The following NUP188 variants were observed in gnomAD, a reference collection of about 807,000 sequenced individuals.
NUP188 encodes nucleoporin NUP188.
Under a neutral mutation model 223.0 loss-of-function variants are expected in NUP188, and 97 were observed. That is an observed-to-expected ratio of 0.43 (90% CI 0.37 to 0.51). The LOEUF is 0.51. Ranked by LOEUF, NUP188 falls within the 20% of genes least tolerant of loss-of-function variation. The pLI is 0.00. For synonymous variants in NUP188, 869 were observed against 828.0 expected (o/e 1.05, Z -0.85); for missense variants, 1,947 against 2,175.6 (o/e 0.89, Z 2.09).
intron 3 of NUP188, among the ~76,000 whole-genome samples, chr9:128,955,764 A>AT (rs1281178534): frequency 6.6e-6 from 1 of 151,814 alleles, no homozygotes; most frequent in Non-Finnish European, 1.5e-5. Flanking sequence ...TGACTCTAGA[A>AT]TCAACCAATT....
Position 129,006,612 on chromosome 9 carries a change from C to T in NUP188, c.5184C>T (p.Ala1728=). 6.2e-7 allele frequency: 1 copy of T among 1,614,210 alleles called. No individual in the cohort carries two copies. The highest frequency in any genetic ancestry group is 8.5e-7 in the Non-Finnish European group (1 of 1,180,038). The change falls in exon 44 of 44, where the codon GCC becomes GCT. Residue 1728 remains alanine (A), a synonymous_variant. Transcript: ENST00000372577. ...PQGKSTSLSK[A]SPESQEPLIQ... The stretch of plus-strand genomic sequence containing the variant: ...GCAAGTCCACCTCTCTCTCCAAAGC[C>T]AGCCCTGAGAGTCAGGAGCCTCTGA...
intron 2 of NUP188, 34 bp downstream of exon 2, chr9:128,949,277 G>C: frequency 1.3e-6 from 2 of 1,510,826 alleles, no homozygotes; most frequent in East Asian, 2.3e-5. Flanking sequence ...GGTTCTCTGG[G>C]TTCTTTGTGT....
In NUP188 at chr9:129,001,641, C is replaced by T; in HGVS notation, c.3956C>T (p.Thr1319Ile). The part of the protein sequence containing the change: ...RLPILPTLLT[T>I]LEVSLRMKQN... ...CCCATCCTACCCACCCTCCTCACCA[C>T]TCTAGAGGTGAGCCTTCGCATGAAG... is the stretch of plus-strand genomic sequence containing the variant. The change falls in exon 35 of 44, where the codon ACT (threonine) becomes ATT (isoleucine). Residue 1319 changes from threonine (T) to isoleucine (I), a missense_variant. By Grantham distance (89) the Thr-to-Ile change is moderately conservative. Coordinates refer to ENST00000372577, the MANE Select transcript of NUP188 (RefSeq NM_015354.3). 6.2e-7 allele frequency: 1 copy of T among 1,614,090 alleles called. No individual in the cohort carries two copies. The highest frequency in any genetic ancestry group is 8.5e-7 in the Non-Finnish European group (1 of 1,179,992).
At chr9:128,957,178 T>TA (rs1182074792) in intron 5 of NUP188, 146 bp downstream of exon 5, 129 of 536,376 alleles carry the variant, frequency 2.4e-4, no homozygotes, top group East Asian at 4.1e-4. Flanking sequence ...CTAAAGGCTT[T>TA]AAAAAAAACA....
intron 32 of NUP188, 119 bp downstream of exon 32, chr9:128,998,742 T>G (rs1842576870): frequency 1.3e-6 from 1 of 777,034 alleles, no homozygotes; most frequent in South Asian, 1.5e-5. Flanking sequence ...TCTTGAGGAA[T>G]GGGAGTGACA....
intron 12 of NUP188, among the ~76,000 whole-genome samples, chr9:128,978,043 C>T (rs1282932784): frequency 6.6e-6 from 1 of 152,108 alleles, no homozygotes; most frequent in Admixed American, 6.6e-5. Context: ...GCAGACACAA[C>T]ACACCCTGGA....
chr9:128,990,193 T>C lies in NUP188; in HGVS notation c.2607T>C (p.Arg869=), dbSNP rs1276470578. 6.2e-7 allele frequency: 1 copy of C among 1,614,058 alleles called. No homozygotes were observed. The highest frequency in any genetic ancestry group is 1.7e-5 in the Admixed American group (1 of 60,010). The change falls in exon 25 of 44, where the codon CGT becomes CGC. Residue 869 remains arginine, a synonymous_variant. Transcript: ENST00000372577. ...ACAAACATGACCCTGCTTTGCCACG[T>C]CTTGCCATTCAGCTGCTGAAACGTC... ...IYHKHDPALP[R]LAIQLLKRLA...
chr9:128,956,243 A>G, intron 3 of NUP188, 107 bp from the exon 4 acceptor site: 2 of 561,588 alleles, frequency 3.6e-6, no homozygotes, highest in Non-Finnish European at 6.2e-6. Context: ...GTTTATAGGC[A>G]TCTGAAGGGC....
chr9:128,996,094 C>T (rs1044229699), intron 30 of NUP188, among the ~76,000 whole-genome samples: 4 of 151,860 alleles, frequency 2.6e-5, no homozygotes, highest in African/African-American at 4.8e-5. Flanking sequence ...GACTCCGTCA[C>T]GCTGTATCAT....
At chr9:128,978,049 C>T (rs992418028) in intron 12 of NUP188, among the ~76,000 whole-genome samples, 2 of 152,064 alleles carry the variant, frequency 1.3e-5, no homozygotes, top group Non-Finnish European at 2.9e-5. Context: ...ACAACACACC[C>T]TGGACAGGAT....
intron 17 of NUP188, 59 bp from the exon 18 acceptor site, chr9:128,983,234 G>A (rs1482337154): frequency 2.0e-6 from 3 of 1,502,802 alleles, no homozygotes; most frequent in Non-Finnish European, 2.8e-6. Context: ...AAAAATGTTT[G>A]TGAGGGAACC....
intron 3 of NUP188, among the ~76,000 whole-genome samples, chr9:128,955,954 T>G (rs144095978): frequency 2.1e-5 from 3 of 144,682 alleles, no homozygotes; most frequent in Non-Finnish European, 4.5e-5. Flanking sequence ...AGCAACTGTT[T>G]ATGAGCTGTG....
chr9:128,987,064 TGAGA>T (rs137999231), intron 22 of NUP188, among the ~76,000 whole-genome samples, 189 bp downstream of exon 22: 70 of 111,064 alleles, frequency 6.3e-4, no homozygotes, highest in Admixed American at 2.9e-3. Context: ...GAAGTAGGAA[TGAGA>T]GAGAGAGAGA....
At chr9:128,974,805 G>A (rs1457778195) in intron 12 of NUP188, among the ~76,000 whole-genome samples, 1 of 149,648 alleles carries the variant, frequency 6.7e-6, no homozygotes, top group African/African-American at 2.5e-5. Context: ...AGGCTGGAGT[G>A]CAGAATACAG....
rs1457138235 is a variant in NUP188, at chr9:128,947,833, G to A, written c.32+82G>A. 7.8e-6 allele frequency: 10 copies of A among 1,286,374 alleles called. No individual in the cohort carries two copies. In the East Asian group the frequency reaches 2.3e-4, roughly 30 times the overall value. The allele number at this position is 1,286,374 out of a possible 1,614,324, so 79.7% of individuals were successfully genotyped here. A position where few individuals can be genotyped will look rare whatever the true frequency, so the allele number is the denominator to read the frequency against. ...CGGAAGCGGGGCGGGAATTGGAGGC[G>A]GGATGTGGCGACAGTGGCAGGGCCA... On this transcript the variant is annotated intron_variant, in intron 1 of 43. Coordinates refer to ENST00000372577, the MANE Select transcript of NUP188 (RefSeq NM_015354.3).
Position 128,980,692 on chromosome 9 carries a change from A to G in NUP188, c.1356A>G (p.Arg452=). 1 of 1,614,126 alleles carries G rather than the reference A, an allele frequency of 6.2e-7. No homozygotes were observed. The highest frequency in any genetic ancestry group is 8.5e-7 in the Non-Finnish European group (1 of 1,179,994). The change falls in exon 14 of 44, where the codon CGA becomes CGG. Residue 452 remains arginine, a synonymous_variant. Coordinates refer to ENST00000372577, the MANE Select transcript of NUP188 (RefSeq NM_015354.3). ...HLLSPLLQLL[R]ALVSGKSTAK... Reference sequence around the variant, plus strand: ...TCTCCCCACTCCTGCAACTGCTCCGAGCCCTGGTATCAGGGAAGTCCACAG... The same window carrying G: ...TCTCCCCACTCCTGCAACTGCTCCGGGCCCTGGTATCAGGGAAGTCCACAG...
At chr9:128,958,206 G>A (rs1841897815) in intron 6 of NUP188, 152 bp downstream of exon 6, 2 of 620,052 alleles carry the variant, frequency 3.2e-6, no homozygotes, top group Non-Finnish European at 2.8e-6. Flanking sequence ...ATGAAAAGAT[G>A]CTTTTATCCA....
intron 3 of NUP188, 169 bp downstream of exon 3, chr9:128,953,015 C>A (rs766019036): frequency 1.7e-5 from 9 of 530,700 alleles, no homozygotes; most frequent in South Asian, 4.8e-5. Flanking sequence ...TTTTGTTGAC[C>A]GAAAGAAAAG....
At position 129,002,921 on chromosome 9, in the gene NUP188, C is replaced by T; in HGVS notation, c.4242C>T (p.Asn1414=). 6.2e-7 allele frequency: 1 copy of T among 1,614,258 alleles called. No individual in the cohort carries two copies. Among genetic ancestry groups the T allele is most frequent in the Non-Finnish European group, 8.5e-7 (1 of 1,180,050 alleles). Residue 1414 remains asparagine, a synonymous_variant, in exon 37 of 44, where the codon AAC becomes AAT. Coordinates refer to ENST00000372577, the MANE Select transcript of NUP188 (RefSeq NM_015354.3). ...AGCTGCTCAAAACTCTGCGCTACAA[C>T]TTCCTGCCTGAGGCCCTGGACTTCG... The part of the protein sequence containing the change: ...MEQLLKTLRY[N]FLPEALDFVG...
Sources: gnomAD v4.1 joint callset for allele counts (sites outside exome capture counted in the v4.1 genomes callset) on GRCh38, gnomAD v4.1.1 for gene constraint, MANE v1.5 for transcripts, NCBI Gene and HGNC (gene_info 2026-07-23, HGNC 2026-07-21) for gene names.